The following FHOD3 variants were observed in gnomAD, a reference collection of about 807,000 sequenced individuals.
FHOD3 encodes FH1/FH2 domain-containing protein 3.
Under a neutral mutation model 173.0 loss-of-function variants are expected in FHOD3, and 90 were observed. The ratio of observed to expected loss-of-function variants is 0.52; its 90% CI spans 0.44 to 0.62. FHOD3 has a LOEUF of 0.62. FHOD3 is among the 20% of genes least tolerant of loss of function. The probability of loss-of-function intolerance (pLI) is 0.00; values close to 1 mark genes in which losing one functional copy is unlikely to be tolerated. For missense variants in FHOD3, 1,945 were observed against 2,034.7 expected, an observed-to-expected ratio of 0.96 and a Z score of 0.85; for synonymous variants, 828 against 823.0, an observed-to-expected ratio of 1.01 and a Z score of -0.10.
At chr18:36,491,207 C>T (rs1279202283) in intron 3 of FHOD3, among the ~76,000 whole-genome samples, 1 of 152,160 alleles carries the variant, frequency 6.6e-6, no homozygotes, top group Non-Finnish European at 1.5e-5. Flanking sequence ...CCTGGGGACT[C>T]TCCCACTTCC....
At chr18:36,772,368 T>G (rs1348250882) in intron 28 of FHOD3, among the ~76,000 whole-genome samples, 1 of 152,258 alleles carries the variant, frequency 6.6e-6, no homozygotes, top group East Asian at 1.9e-4. Context: ...AAAATCAATG[T>G]GAAGTTTAGT....
rs8099596 is a variant in FHOD3, at chr18:36,446,185, G to A, written c.338-55747G>A. Among the ~76,000 whole-genome samples the A allele has an allele frequency of 6.4e-3, 973 of 152,300 alleles. 4 individuals are homozygous for A. Among genetic ancestry groups the A allele is most frequent in the African/African-American group, 0.021 (883 of 41,552 alleles). On this transcript the variant is annotated intron_variant, in intron 3 of 28. Transcript: ENST00000590592. ...CAAGTGTTTGAAAACCAGACCTCGT[G>A]GTAGGCTGTGGTCCTCCACGGCTGG... is the stretch of plus-strand genomic sequence containing the variant.
chr18:36,362,068 G>A (rs967398145), intron 2 of FHOD3, among the ~76,000 whole-genome samples: 6 of 152,224 alleles, frequency 3.9e-5, no homozygotes, highest in Non-Finnish European at 8.8e-5. Context: ...ATGACATCAG[G>A]TAGGTATGTG....
At chr18:36,610,693 C>T (rs2032584294) in intron 8 of FHOD3, among the ~76,000 whole-genome samples, 1 of 152,160 alleles carries the variant, frequency 6.6e-6, no homozygotes, top group Non-Finnish European at 1.5e-5. Context: ...CACTGATAGC[C>T]CCAAGATAGA....
At chr18:36,632,411 T>G (rs549615460) in intron 10 of FHOD3, among the ~76,000 whole-genome samples, 74 of 152,364 alleles carry the variant, frequency 4.9e-4, no homozygotes, top group Non-Finnish European at 9.6e-4. Flanking sequence ...TTTGCCTATT[T>G]TAATTGACCT....
chr18:36,618,736 C>T (rs1263524236), intron 9 of FHOD3, among the ~76,000 whole-genome samples: 1 of 152,176 alleles, frequency 6.6e-6, no homozygotes, highest in East Asian at 1.9e-4. Context: ...CCACCCCATC[C>T]CTGCCACCTC....
chr18:36,303,196 G>A (rs911708676), intron 1 of FHOD3, among the ~76,000 whole-genome samples: 4 of 152,232 alleles, frequency 2.6e-5, no homozygotes, highest in Non-Finnish European at 1.5e-5. Flanking sequence ...AACAGATGGG[G>A]AAACTGAGGC....
chr18:36,717,125 G>A (rs2040502312), intron 18 of FHOD3, among the ~76,000 whole-genome samples: 1 of 152,092 alleles, frequency 6.6e-6, no homozygotes, highest in African/African-American at 2.4e-5. Context: ...CAATGCAGGT[G>A]GGAGAGTAGA....
intron 1 of FHOD3, among the ~76,000 whole-genome samples, chr18:36,307,423 G>C (rs2092130874): frequency 6.6e-6 from 1 of 152,190 alleles, no homozygotes; most frequent in Non-Finnish European, 1.5e-5. Context: ...TGACCCCAGG[G>C]TTTGGTCATG....
chr18:36,587,414 AG>A (rs773977589), intron 6 of FHOD3, among the ~76,000 whole-genome samples: 1 of 152,200 alleles, frequency 6.6e-6, no homozygotes, highest in Non-Finnish European at 1.5e-5. Context: ...AGCAGAGTTA[AG>A]GTAGGATAGA....
intron 6 of FHOD3, among the ~76,000 whole-genome samples, chr18:36,589,372 A>G (rs2059136659): frequency 6.6e-6 from 1 of 152,216 alleles, no homozygotes; most frequent in African/African-American, 2.4e-5. Flanking sequence ...GGCTGGATCT[A>G]GAGCTCCAGT....
chr18:36,658,050 C>A (rs1290077247), intron 13 of FHOD3, 25 bp from the exon 14 acceptor site: 9 of 1,524,392 alleles, frequency 5.9e-6, no homozygotes, highest in Non-Finnish European at 8.1e-6. Context: ...CTTTTCCCCC[C>A]AACTTAAACC....
intron 14 of FHOD3, among the ~76,000 whole-genome samples, chr18:36,674,574 G>T (rs1445815925): frequency 6.6e-6 from 1 of 152,078 alleles, no homozygotes; most frequent in Non-Finnish European, 1.5e-5. Context: ...CTAGGTGTCT[G>T]GTTGGACTTT....
intron 15 of FHOD3, among the ~76,000 whole-genome samples, chr18:36,685,142 T>C (rs1251491519): frequency 2.0e-5 from 3 of 152,192 alleles, no homozygotes; most frequent in Non-Finnish European, 4.4e-5. Flanking sequence ...TATTCATATG[T>C]ATATGTTGGC....
chr18:36,404,924 A>G (rs1005123226), intron 3 of FHOD3, among the ~76,000 whole-genome samples: 3 of 152,208 alleles, frequency 2.0e-5, no homozygotes, highest in Non-Finnish European at 4.4e-5. Flanking sequence ...GAAACCAATG[A>G]TCTAATAGAT....
intron 3 of FHOD3, among the ~76,000 whole-genome samples, chr18:36,489,390 G>A (rs1336084565): frequency 2.0e-5 from 3 of 152,170 alleles, no homozygotes; most frequent in South Asian, 2.1e-4. Flanking sequence ...ACTCGGGTGC[G>A]TGTTCTTCGT....
intron 1 of FHOD3, among the ~76,000 whole-genome samples, chr18:36,321,901 C>T (rs2044414584): frequency 6.6e-6 from 1 of 152,196 alleles, no homozygotes; most frequent in African/African-American, 2.4e-5. Flanking sequence ...AGGCGATGCC[C>T]TGTGTTCTCA....
chr18:36,751,974 A>G (rs905543396), intron 24 of FHOD3, among the ~76,000 whole-genome samples: 16 of 152,194 alleles, frequency 1.1e-4, no homozygotes, highest in Non-Finnish European at 1.0e-4. Context: ...AAGAAGGTTA[A>G]TTGACTCACA....
chr18:36,435,075 T>G (rs1036748525), intron 3 of FHOD3, among the ~76,000 whole-genome samples: 5 of 150,310 alleles, frequency 3.3e-5, no homozygotes, highest in African/African-American at 9.8e-5. Flanking sequence ...TTACTGATGG[T>G]GAAGGGCAAA....
Sources: gnomAD v4.1 joint callset for allele counts (sites outside exome capture counted in the v4.1 genomes callset) on GRCh38, gnomAD v4.1.1 for gene constraint, MANE v1.5 for transcripts, NCBI Gene and HGNC (gene_info 2026-07-23, HGNC 2026-07-21) for gene names.